Variants in DLG2 observed in about 807,000 individuals in gnomAD.
DLG2 encodes the protein discs large MAGUK scaffold protein 2.
Under a neutral mutation model 132.5 loss-of-function variants are expected in DLG2, and 45 were observed. That is an observed-to-expected ratio of 0.34 (90% confidence interval 0.27 to 0.44). DLG2 has a LOEUF of 0.44. Ranked by LOEUF, DLG2 falls within the 20% of genes least tolerant of loss-of-function variation. DLG2 has a pLI of 1.00. For missense variants in DLG2, 1,045 were observed against 1,196.9 expected (o/e 0.87, Z 1.87); for synonymous variants, 424 against 419.6 (o/e 1.01, Z -0.13).
chr11:84,589,283 C>A (rs1807995), intron 6 of DLG2, among the ~76,000 whole-genome samples: 49,416 of 151,994 alleles, frequency 0.33, 8,551 homozygotes, highest in African/African-American at 0.43. Flanking sequence ...GAGAAGTCAA[C>A]ACCTAGAGAA....
chr11:85,052,464 T>C (rs1478173895), intron 6 of DLG2, among the ~76,000 whole-genome samples: 4 of 152,218 alleles, frequency 2.6e-5, no homozygotes, highest in Non-Finnish European at 5.9e-5. Context: ...TTTTGCATTA[T>C]ATACCTTGAA....
intron 6 of DLG2, among the ~76,000 whole-genome samples, chr11:85,106,616 C>A (rs1402843023): frequency 6.6e-6 from 1 of 151,998 alleles, no homozygotes; most frequent in African/African-American, 2.4e-5. Context: ...CTAGCACTTA[C>A]TAAGCACTTA....
At chr11:83,579,490 A>G (rs2096933747) in intron 19 of DLG2, among the ~76,000 whole-genome samples, 1 of 152,226 alleles carries the variant, frequency 6.6e-6, no homozygotes, top group Non-Finnish European at 1.5e-5. Flanking sequence ...ACTAAAGACA[A>G]AATTAATGCA....
chr11:83,552,478 C>T (rs2096414944), intron 19 of DLG2, among the ~76,000 whole-genome samples: 1 of 151,950 alleles, frequency 6.6e-6, no homozygotes, highest in African/African-American at 2.4e-5. Context: ...TTGTAGAGCT[C>T]CTAGGAAGCC....
intron 7 of DLG2, among the ~76,000 whole-genome samples, 200 bp from the exon 8 acceptor site, chr11:84,251,491 C>T (rs1201210229): frequency 6.6e-6 from 1 of 152,008 alleles, no homozygotes; most frequent in Non-Finnish European, 1.5e-5. Context: ...TTACATTTAC[C>T]ACATAAAGAA....
At chr11:84,853,294 A>G (rs1599802920) in intron 6 of DLG2, among the ~76,000 whole-genome samples, 2 of 152,076 alleles carry the variant, frequency 1.3e-5, no homozygotes, top group East Asian at 1.9e-4. Context: ...AGTGAACATC[A>G]GGGTCTTTTA....
At chr11:83,967,194 A>T (rs996585068) in intron 12 of DLG2, among the ~76,000 whole-genome samples, 1 of 152,146 alleles carries the variant, frequency 6.6e-6, no homozygotes, top group Non-Finnish European at 1.5e-5. Context: ...TGCATTGAAC[A>T]TGGGAGTGCA....
chr11:84,989,917 G>T (rs1472324057), intron 6 of DLG2, among the ~76,000 whole-genome samples: 1 of 152,216 alleles, frequency 6.6e-6, no homozygotes, highest in Non-Finnish European at 1.5e-5. Flanking sequence ...TACAAATGGT[G>T]CTGGAGCAAT....
chr11:85,414,565 A>G lies in DLG2; in HGVS notation c.41-129200T>C, dbSNP rs533016141. On this transcript the variant is annotated intron_variant, in intron 3 of 27. Coordinates refer to ENST00000376104, the MANE Select transcript of DLG2 (RefSeq NM_001142699.3). Reference sequence around the variant, plus strand: ...TCATGCGCTGTTGAATAGAATGTATATTCTGCGGTTTTTGGATGTAATATT... The same window carrying G: ...TCATGCGCTGTTGAATAGAATGTATGTTCTGCGGTTTTTGGATGTAATATT... Among the ~76,000 whole-genome samples, 5 of 152,050 alleles carry G rather than the reference A, an allele frequency of 3.3e-5. No individual in the cohort carries two copies. In the South Asian group the frequency reaches 8.3e-4, roughly 25 times the overall value.
At chr11:85,010,262 C>A (rs1270196662) in intron 6 of DLG2, among the ~76,000 whole-genome samples, 1 of 151,992 alleles carries the variant, frequency 6.6e-6, no homozygotes. Flanking sequence ...TAATGTCTTT[C>A]CCTCTTTAAA....
chr11:83,783,661 T>A (rs533442599), intron 18 of DLG2, among the ~76,000 whole-genome samples: 1 of 152,262 alleles, frequency 6.6e-6, no homozygotes, highest in South Asian at 2.1e-4. Flanking sequence ...CTATATTTTG[T>A]TAAATATAGG....
chr11:83,772,953 A>T (rs1002392066), intron 18 of DLG2, among the ~76,000 whole-genome samples: 1 of 152,198 alleles, frequency 6.6e-6, no homozygotes, highest in African/African-American at 2.4e-5. Flanking sequence ...TTTTAATATT[A>T]TTTTGATTTT....
chr11:83,795,869 C>A (rs1380270197), intron 17 of DLG2, among the ~76,000 whole-genome samples: 1 of 152,192 alleles, frequency 6.6e-6, no homozygotes, highest in Non-Finnish European at 1.5e-5. Context: ...CATTCTTATA[C>A]CCTTGTCCCT....
chr11:84,551,081 G>T (rs1286849939), intron 6 of DLG2, among the ~76,000 whole-genome samples: 2 of 152,050 alleles, frequency 1.3e-5, no homozygotes, highest in Admixed American at 6.6e-5. Context: ...TGGTGTCAAT[G>T]GCATTGGAAC....
intron 10 of DLG2, among the ~76,000 whole-genome samples, chr11:84,096,181 C>T (rs1157420678): frequency 4.6e-5 from 7 of 151,922 alleles, no homozygotes; most frequent in Non-Finnish European, 1.0e-4. Flanking sequence ...AATCATTAAG[C>T]CTTAATTTTC....
At chr11:84,477,376 T>C (rs563117755) in intron 7 of DLG2, among the ~76,000 whole-genome samples, 1 of 152,068 alleles carries the variant, frequency 6.6e-6, no homozygotes, top group South Asian at 2.1e-4. Flanking sequence ...ATGCCTGTAA[T>C]CCCAGCTACT....
intron 19 of DLG2, among the ~76,000 whole-genome samples, chr11:83,598,283 C>T (rs1464932370): frequency 2.0e-5 from 3 of 152,324 alleles, no homozygotes; most frequent in East Asian, 1.9e-4. Flanking sequence ...AAGTTATCAT[C>T]GTCTACTCAT....
chr11:84,789,701 A>G (rs1198685067), intron 6 of DLG2, among the ~76,000 whole-genome samples: 2 of 151,938 alleles, frequency 1.3e-5, no homozygotes, highest in African/African-American at 2.4e-5. Flanking sequence ...ACCATTAACC[A>G]TCTCTACATC....
chr11:84,495,075 A>T (rs2099177671), intron 7 of DLG2, among the ~76,000 whole-genome samples: 1 of 152,084 alleles, frequency 6.6e-6, no homozygotes, highest in Admixed American at 6.6e-5. Flanking sequence ...AACATAAACC[A>T]GTTGTGTCGC....
Sources: gnomAD v4.1 joint callset for allele counts (sites outside exome capture counted in the v4.1 genomes callset) on GRCh38, gnomAD v4.1.1 for gene constraint, MANE v1.5 for transcripts, NCBI Gene and HGNC (gene_info 2026-07-23, HGNC 2026-07-21) for gene names.